Variants in INTS6 observed in about 807,000 individuals in gnomAD.
INTS6 encodes the protein integrator complex subunit 6.
A neutral mutation model predicts 104.9 loss-of-function variants in INTS6; 16 were observed. That is an observed-to-expected ratio of 0.15 (90% CI 0.10 to 0.23). The LOEUF is 0.23. INTS6 is among the 10% of genes least tolerant of loss of function. The probability of loss-of-function intolerance (pLI) is 1.00; values close to 1 mark genes in which losing one functional copy is unlikely to be tolerated. For synonymous variants in INTS6, 324 were observed against 358.7 expected, an observed-to-expected ratio of 0.90 and a Z score of 1.09; for missense variants, 584 against 1,062.8, an observed-to-expected ratio of 0.55 and a Z score of 6.26.
At chr13:51,365,887 G>A (rs753584584) in intron 17 of INTS6, 42 bp from the exon 18 acceptor site, 1 of 1,165,068 alleles carries the variant, frequency 8.6e-7, no homozygotes, top group Non-Finnish European at 1.2e-6. Flanking sequence ...ACTTTTTAAT[G>A]AATAGTATAT....
chr13:51,452,614 G>C lies in INTS6; in HGVS notation c.-89C>G, dbSNP rs1593791863. ...CGCCGGTGGCGGCGACCGCCGCTAC[G>C]CGGGGCGGGGGAGCACGGCCCCCGG... On this transcript the variant is annotated 5_prime_UTR_variant, in exon 1 of 18. Coordinates refer to ENST00000311234, the MANE Select transcript of INTS6 (RefSeq NM_012141.3). The surrounding 1 kb of genome is among the most constrained non-coding windows in gnomAD (Gnocchi z 4.2). 1 of 1,546,504 alleles carries C rather than the reference G, an allele frequency of 6.5e-7. No homozygotes were observed. Among genetic ancestry groups the C allele is most frequent in the East Asian group, 2.5e-5 (1 of 39,974 alleles).
At chr13:51,426,225 G>C (rs765568608) in intron 4 of INTS6, among the ~76,000 whole-genome samples, 1 of 151,894 alleles carries the variant, frequency 6.6e-6, no homozygotes, top group African/African-American at 2.4e-5. Context: ...GCTAAGTGAC[G>C]AGCTGTCCCA....
intron 17 of INTS6, among the ~76,000 whole-genome samples, chr13:51,367,020 T>A (rs1955705768): frequency 6.6e-6 from 1 of 152,032 alleles, no homozygotes; most frequent in South Asian, 2.1e-4. Flanking sequence ...TACACAGTGA[T>A]CCCTCGGTAT....
At chr13:51,377,671 T>TA (rs953614509) in intron 12 of INTS6, among the ~76,000 whole-genome samples, 1 of 152,156 alleles carries the variant, frequency 6.6e-6, no homozygotes, top group Admixed American at 6.5e-5. Context: ...ACTAATCTCC[T>TA]ATGTTTATCC....
rs1955649397 is a variant in INTS6, at chr13:51,364,562, A to G, written c.*1190T>C. ...TGAATGGTGAGTGAGTCAGGCCATA[A>G]GATTGCTTCCTCAGTACGGATACTC... On this transcript the variant is annotated 3_prime_UTR_variant, in exon 18 of 18. Transcript: ENST00000311234. 2 of 307,714 alleles carry G rather than the reference A, an allele frequency of 6.5e-6. No individual in the cohort carries two copies. The highest frequency in any genetic ancestry group is 5.8e-5 in the East Asian group (1 of 17,320). The allele number at this position is 307,714 out of a possible 1,614,324, so 19.1% of individuals were successfully genotyped here.
chr13:51,382,115 A>T lies in INTS6; in HGVS notation c.1189T>A (p.Phe397Ile), dbSNP rs1217794045. ...GTTGGTTTTGCTTTATGCACTTTAAACAAGTCATCTAGAAACGTATAATGT... is the reference window on the plus strand; with the variant it reads ...GTTGGTTTTGCTTTATGCACTTTAATCAAGTCATCTAGAAACGTATAATGT... ...PVLLPLLDDL[F>I]KVHKAKPTLK... Residue 397 changes from phenylalanine (F) to isoleucine (I), a missense_variant, in exon 10 of 18, where the codon TTT becomes ATT. Physicochemically the swap from Phe to Ile is conservative, Grantham distance 21 (BLOSUM62 0). Transcript: ENST00000311234. The T allele has an allele frequency of 6.2e-7, 1 of 1,605,632 alleles. No individual in the cohort carries two copies. Among genetic ancestry groups the T allele is most frequent in the Non-Finnish European group, 8.5e-7 (1 of 1,173,774 alleles).
chr13:51,427,211 C>G (rs1957000683), intron 4 of INTS6, among the ~76,000 whole-genome samples: 1 of 152,070 alleles, frequency 6.6e-6, no homozygotes, highest in Admixed American at 6.6e-5. Flanking sequence ...ACAAGCCAAA[C>G]AGGAATTATG....
intron 4 of INTS6, chr13:51,421,072 G>A: frequency 2.2e-6 from 2 of 893,752 alleles, no homozygotes; most frequent in Non-Finnish European, 1.3e-6. Context: ...CCAACAAATA[G>A]TCATAGCCCC....
At position 51,362,322 on chromosome 13, in the gene INTS6, T is replaced by C. The variant is rs368224765; in HGVS notation, c.*3430A>G. On this transcript the variant is annotated 3_prime_UTR_variant, in exon 18 of 18. Transcript: ENST00000311234. ...CTTGTGATCCTAGTATTCTAATGAA[T>C]GCACCTGGATTTCTATACTGTTCTG... 101 of 218,408 alleles carry C rather than the reference T, an allele frequency of 4.6e-4. No homozygotes were observed. The highest frequency in any genetic ancestry group is 3.3e-3 in the Middle Eastern group (2 of 606). The allele number at this position is 218,408 out of a possible 1,614,324, so 13.5% of individuals were successfully genotyped here. A position where few individuals can be genotyped will look rare whatever the true frequency, so the allele number is the denominator to read the frequency against.
At chr13:51,351,393 T>C (rs1267853870), downstream of INTS6, among the ~76,000 whole-genome samples, 1 of 152,186 alleles carries the variant, frequency 6.6e-6, no homozygotes, top group Admixed American at 6.5e-5. Context: ...ATTTCCCTAA[T>C]GACTAATGAG....
At chr13:51,399,915 T>G (rs916884150) in intron 4 of INTS6, among the ~76,000 whole-genome samples, 2 of 152,166 alleles carry the variant, frequency 1.3e-5, no homozygotes, top group East Asian at 3.9e-4. Context: ...GTTAATCTAT[T>G]CCAGATGTCT....
At chr13:51,408,853 A>G (rs1264505659) in intron 4 of INTS6, among the ~76,000 whole-genome samples, 1 of 152,026 alleles carries the variant, frequency 6.6e-6, no homozygotes, top group Non-Finnish European at 1.5e-5. Flanking sequence ...CAAACCTAAA[A>G]CCTATAACTT....
At chr13:51,337,282 A>T in the INTS6 span, among the ~76,000 whole-genome samples, 1 of 152,220 alleles carries the variant, frequency 6.6e-6, no homozygotes, top group Non-Finnish European at 1.5e-5. Context: ...ATTGAAATGC[A>T]ATGCTTCTAT....
the INTS6 span, among the ~76,000 whole-genome samples, chr13:51,347,664 A>T: frequency 6.6e-6 from 1 of 152,186 alleles, no homozygotes; most frequent in Admixed American, 6.5e-5. Flanking sequence ...GGAAAATTTC[A>T]CAAATAATTC....
At chr13:51,389,176 A>T in intron 6 of INTS6, 143 bp downstream of exon 6, 1 of 732,196 alleles carries the variant, frequency 1.4e-6, no homozygotes, top group Non-Finnish European at 2.2e-6. Context: ...TTTCCTATTT[A>T]ATCTTCCCTC....
chr13:51,419,080 T>C (rs1051133644), intron 4 of INTS6, among the ~76,000 whole-genome samples: 2 of 152,104 alleles, frequency 1.3e-5, no homozygotes, highest in Non-Finnish European at 2.9e-5. Flanking sequence ...ATCCATGTTG[T>C]AGCATGTCAC....
At chr13:51,387,243 A>T in intron 7 of INTS6, 143 bp downstream of exon 7, 1 of 610,768 alleles carries the variant, frequency 1.6e-6, no homozygotes, top group Non-Finnish European at 2.5e-6. Context: ...GCAACATAAT[A>T]AAGCAAGTAA....
At chr13:51,425,096 C>T (rs1435165303) in intron 4 of INTS6, among the ~76,000 whole-genome samples, 3 of 151,916 alleles carry the variant, frequency 2.0e-5, no homozygotes, top group Admixed American at 1.3e-4. Flanking sequence ...AAATTTCTGG[C>T]CTGTCTTTTA....
chr13:51,378,214 G>A, intron 12 of INTS6, 25 bp downstream of exon 12: 1 of 1,491,688 alleles, frequency 6.7e-7, no homozygotes, highest in South Asian at 1.1e-5. Flanking sequence ...CATAACTAGA[G>A]TAGCACTAAA....
Sources: allele counts gnomAD v4.1 joint callset (sites outside exome capture counted in the v4.1 genomes callset), GRCh38; gene constraint gnomAD v4.1.1; non-coding constraint Gnocchi (gnomAD v3.1); transcripts MANE v1.5; gene names NCBI Gene and HGNC (gene_info 2026-07-23, HGNC 2026-07-21).